CDH2: variants seen among roughly 807,000 people sequenced by gnomAD.
CDH2 encodes cadherin 2.
A neutral mutation model predicts 92.0 loss-of-function variants in CDH2; 17 were observed. The ratio of observed to expected loss-of-function variants is 0.18; its 90% CI spans 0.13 to 0.28. The LOEUF (loss-of-function observed/expected upper bound fraction) is 0.28, where lower values mean the gene tolerates loss of function less well. CDH2 is among the 10% of genes least tolerant of loss of function. CDH2 has a pLI of 1.00. For missense variants in CDH2, 862 were observed against 1,133.1 expected (o/e 0.76, Z 3.44); for synonymous variants, 419 against 415.9 (o/e 1.01, Z -0.09).
intron 10 of CDH2, among the ~76,000 whole-genome samples, chr18:27,989,572 C>T (rs890997763): frequency 3.3e-5 from 5 of 152,268 alleles, no homozygotes; most frequent in Middle Eastern, 3.4e-3. Flanking sequence ...CTCTGGCAAC[C>T]ATCCACTCCC....
At chr18:28,099,244 T>C (rs1423457072) in intron 2 of CDH2, among the ~76,000 whole-genome samples, 2 of 152,190 alleles carry the variant, frequency 1.3e-5, no homozygotes, top group Non-Finnish European at 2.9e-5. Context: ...TTAAGAACTA[T>C]CTTACACTGT....
chr18:28,135,742 A>T (rs2015850937), intron 2 of CDH2, among the ~76,000 whole-genome samples: 1 of 152,244 alleles, frequency 6.6e-6, no homozygotes. Flanking sequence ...GAAAGATTTA[A>T]TCTCACAAAG....
chr18:28,090,243 C>G (rs2015011742), intron 2 of CDH2, among the ~76,000 whole-genome samples: 1 of 152,168 alleles, frequency 6.6e-6, no homozygotes, highest in South Asian at 2.1e-4. Flanking sequence ...TTTGAATTCA[C>G]TACGCTTTTA....
intron 2 of CDH2, among the ~76,000 whole-genome samples, chr18:28,092,563 G>C (rs1476501862): frequency 6.6e-6 from 1 of 151,468 alleles, no homozygotes; most frequent in Non-Finnish European, 1.5e-5. Context: ...AAAACAAAAG[G>C]ATGAAAAGAA....
In CDH2 at chr18:27,951,658, A is replaced by AGTAAT. The variant is rs1909462415; in HGVS notation, c.*490_*494dup. ...AAACAAACTAAAGTCTAAAACTAGA[A>AGTAAT]GTAATGTACATTTTCCAATCTCATG... On this transcript the variant is annotated 3_prime_UTR_variant, in exon 16 of 16. Coordinates refer to ENST00000269141, the MANE Select transcript of CDH2 (RefSeq NM_001792.5). 1 of 152,518 alleles carries AGTAAT rather than the reference A, an allele frequency of 6.6e-6. No individual in the cohort carries two copies. Among genetic ancestry groups the AGTAAT allele is most frequent in the Middle Eastern group, 3.4e-3 (1 of 292 alleles). 9.4% of individuals were successfully genotyped at this position (152,518 alleles called of 1,614,324 possible).
At chr18:28,033,536 G>T (rs1379349979) in intron 2 of CDH2, among the ~76,000 whole-genome samples, 5 of 151,900 alleles carry the variant, frequency 3.3e-5, no homozygotes, top group African/African-American at 1.2e-4. Flanking sequence ...CTGACAGCAG[G>T]ATTAAGTGTT....
chr18:28,012,025 C>T (rs909875339), intron 3 of CDH2, 33 bp from the exon 4 acceptor site: 2 of 1,567,196 alleles, frequency 1.3e-6, no homozygotes, highest in Admixed American at 1.7e-5. Flanking sequence ...TTCCTGAGTA[C>T]TAGGAAACAC....
At chr18:28,144,622 AAG>A (rs1194307108) in intron 2 of CDH2, among the ~76,000 whole-genome samples, 3 of 152,098 alleles carry the variant, frequency 2.0e-5, no homozygotes, top group African/African-American at 7.2e-5. Flanking sequence ...CACTACATAT[AAG>A]AGAGGAAAAT....
chr18:28,007,165 A>AAAAAAAAAAATATATAT (rs1172779200), intron 5 of CDH2, among the ~76,000 whole-genome samples: 4 of 110,502 alleles, frequency 3.6e-5, no homozygotes, highest in African/African-American at 1.3e-4. Flanking sequence ...ATAAAAAAAA[A>AAAAAAAAAAATATATAT]ATATATATAT....
At chr18:28,116,558 A>C (rs1568004559) in intron 2 of CDH2, among the ~76,000 whole-genome samples, 1 of 152,194 alleles carries the variant, frequency 6.6e-6, no homozygotes, top group Admixed American at 6.6e-5. Flanking sequence ...CAAGATTTTC[A>C]GTGGAGAGTG....
At chr18:27,964,632 C>T (rs762850827) in intron 14 of CDH2, among the ~76,000 whole-genome samples, 8 of 152,122 alleles carry the variant, frequency 5.3e-5, no homozygotes, top group Non-Finnish European at 1.0e-4. Context: ...AGTTGTTTAA[C>T]GTTTACCATG....
At chr18:28,019,070 T>C (rs1006660262) in intron 2 of CDH2, among the ~76,000 whole-genome samples, 4 of 152,142 alleles carry the variant, frequency 2.6e-5, no homozygotes, top group Admixed American at 2.6e-4. Flanking sequence ...CCCTATGTTC[T>C]CGCTCATAAG....
chr18:28,110,022 AAT>A (rs1053782572), intron 2 of CDH2, among the ~76,000 whole-genome samples: 117 of 152,302 alleles, frequency 7.7e-4, no homozygotes, highest in African/African-American at 2.7e-3. Context: ...AGAGCATACA[AAT>A]ACAAGGCCAT....
At chr18:27,979,533 A>G (rs1011533217) in intron 14 of CDH2, among the ~76,000 whole-genome samples, 1 of 152,242 alleles carries the variant, frequency 6.6e-6, no homozygotes, top group African/African-American at 2.4e-5. Context: ...TGTTCATAAC[A>G]GTTTTATTCA....
In CDH2 at chr18:28,024,369, GAAA is replaced by G. The variant is rs1567968891; in HGVS notation, c.173-10463_173-10461del. On this transcript the variant is annotated intron_variant, in intron 2 of 15. Coordinates refer to ENST00000269141, the MANE Select transcript of CDH2 (RefSeq NM_001792.5). ...TGGGAAAATAAACATATGTAGAAAT[GAAA>G]TCTTAAGACAAAACAGATTGTAGGC... Among the ~76,000 whole-genome samples, 5 of 151,538 alleles carry G rather than the reference GAAA, an allele frequency of 3.3e-5. No homozygotes were observed. In the East Asian group the frequency reaches 9.7e-4, roughly 29 times the overall value.
At chr18:28,006,162 T>C (rs2012910855) in intron 5 of CDH2, among the ~76,000 whole-genome samples, 169 bp from the exon 6 acceptor site, 1 of 152,158 alleles carries the variant, frequency 6.6e-6, no homozygotes, top group Non-Finnish European at 1.5e-5. Flanking sequence ...TTAGGATAGA[T>C]ATAGTAGCAA....
intron 11 of CDH2, among the ~76,000 whole-genome samples, chr18:27,987,663 T>A (rs2012278645): frequency 6.6e-6 from 1 of 152,232 alleles, no homozygotes; most frequent in Non-Finnish European, 1.5e-5. Context: ...GCAATAGGAA[T>A]ACTTAGTTGA....
At chr18:28,140,563 GT>G (rs2015935699) in intron 2 of CDH2, among the ~76,000 whole-genome samples, 2 of 151,876 alleles carry the variant, frequency 1.3e-5, no homozygotes, top group Admixed American at 6.6e-5. Flanking sequence ...ACCATGTGAG[GT>G]TACAATGTGA....
chr18:28,001,760 T>G (rs1358702205), intron 7 of CDH2, among the ~76,000 whole-genome samples: 2 of 152,210 alleles, frequency 1.3e-5, no homozygotes, highest in African/African-American at 4.8e-5. Context: ...AAACTAATCT[T>G]TATTGGCTCA....
Sources: gnomAD v4.1 joint callset for allele counts (sites outside exome capture counted in the v4.1 genomes callset) on GRCh38, gnomAD v4.1.1 for gene constraint, MANE v1.5 for transcripts, NCBI Gene and HGNC (gene_info 2026-07-23, HGNC 2026-07-21) for gene names.